The following MAPKAPK5 variants were observed in gnomAD, a reference collection of about 807,000 sequenced individuals.
The protein encoded by MAPKAPK5 is MAP kinase-activated protein kinase 5.
In MAPKAPK5, 30 loss-of-function variants were observed where a neutral mutation model predicts 65.1. The observed-to-expected ratio is 0.46, with a 90% confidence interval of 0.34 to 0.63. MAPKAPK5 has a LOEUF of 0.63. Among genes scored for constraint, MAPKAPK5 ranks in the 20% least tolerant of loss-of-function variants. The probability of loss-of-function intolerance (pLI) is 0.01; values close to 1 mark genes in which losing one functional copy is unlikely to be tolerated. For missense variants in MAPKAPK5, 433 were observed against 581.4 expected (o/e 0.74, Z 2.63); for synonymous variants, 179 against 204.6 (o/e 0.87, Z 1.07).
intron 7 of MAPKAPK5, among the ~76,000 whole-genome samples, chr12:111,878,367 A>G (rs1000847717): frequency 2.0e-5 from 3 of 151,816 alleles, no homozygotes; most frequent in Non-Finnish European, 4.4e-5. Flanking sequence ...TAGCATTTGG[A>G]TGTCCAGTTG....
chr12:111,868,708 CTTTTTT>C lies in MAPKAPK5; in HGVS notation c.285-36_285-31del, dbSNP rs75586211. 151 of 1,282,784 alleles carry C rather than the reference CTTTTTT, an allele frequency of 1.2e-4. 1 individual carries two copies. In the South Asian group the frequency reaches 2.1e-3, roughly 18 times the overall value. 79.5% of individuals were successfully genotyped at this position (1,282,784 alleles called of 1,614,324 possible). ...GTTTCAGGGTTTTTTGTTTCTTTTT[CTTTTTT>C]TTTTTTTTAACTTAACAAAATCAAA... On this transcript the variant is annotated intron_variant, in intron 4 of 13. Transcript: ENST00000550735.
intron 1 of MAPKAPK5, among the ~76,000 whole-genome samples, chr12:111,859,162 A>G (rs1210317309): frequency 6.7e-6 from 1 of 148,216 alleles, no homozygotes; most frequent in Non-Finnish European, 1.5e-5. Context: ...TAGATAATAT[A>G]GCAACTCTGG....
intron 1 of MAPKAPK5, among the ~76,000 whole-genome samples, chr12:111,856,702 C>G (rs1267918314): frequency 6.6e-6 from 1 of 152,156 alleles, no homozygotes. Context: ...CCACTGTGCT[C>G]AGCCTTCTCC....
intron 1 of MAPKAPK5, among the ~76,000 whole-genome samples, chr12:111,848,180 ACCATTATACATTCC>A (rs2068960803): frequency 1.3e-5 from 2 of 152,210 alleles, no homozygotes; most frequent in Admixed American, 1.3e-4. Context: ...AAGTGGTTGT[ACCATTATACATTCC>A]CACTGGCAGT....
At chr12:111,889,060 G>C in intron 12 of MAPKAPK5, 60 bp downstream of exon 12, 1 of 1,532,656 alleles carries the variant, frequency 6.5e-7, no homozygotes, top group Non-Finnish European at 8.8e-7. Flanking sequence ...GTGCAGGGGT[G>C]GGTGGGTGTA....
intron 7 of MAPKAPK5, 165 bp from the exon 8 acceptor site, chr12:111,880,282 G>T (rs1031945018): frequency 1.8e-5 from 11 of 612,078 alleles, no homozygotes; most frequent in Middle Eastern, 3.0e-4. Context: ...ATTACTGGTT[G>T]TAAGAAAAAA....
intron 1 of MAPKAPK5, among the ~76,000 whole-genome samples, chr12:111,849,058 C>G (rs1023341960): frequency 3.3e-5 from 5 of 151,974 alleles, no homozygotes; most frequent in Non-Finnish European, 7.4e-5. Context: ...ACCACCATGC[C>G]CAGCCTAAAA....
At position 111,875,309 on chromosome 12, in the gene MAPKAPK5, G is replaced by A. The variant is rs146081879; in HGVS notation, c.579+4129G>A. On this transcript the variant is annotated intron_variant, in intron 7 of 13. Coordinates refer to ENST00000550735, the MANE Select transcript of MAPKAPK5 (RefSeq NM_003668.4). Reference sequence around the variant, plus strand: ...GAGTGTGAGTTTTGTTGTTGCTATCGTTGTCTTCAGTGCCTCAGTGGCATG... The same window carrying A: ...GAGTGTGAGTTTTGTTGTTGCTATCATTGTCTTCAGTGCCTCAGTGGCATG... 1.8e-4 allele frequency among the ~76,000 whole-genome samples: 27 copies of A among 152,194 alleles called. No individual in the cohort carries two copies. The East Asian group carries it at 5.2e-3, about 29-fold the overall frequency.
At chr12:111,882,937 G>A in intron 8 of MAPKAPK5, 1 of 754,294 alleles carries the variant, frequency 1.3e-6, no homozygotes, top group Non-Finnish European at 1.6e-6. Context: ...TTTTCTGGCT[G>A]GGGCAAAGCA....
chr12:111,901,517 T>G lies in MAPKAPK5; in HGVS notation c.*8456T>G, dbSNP rs1373933918. The G allele has an allele frequency of 7.8e-6, 3 of 383,036 alleles. No individual in the cohort carries two copies. In the East Asian group the frequency reaches 2.4e-4, roughly 30 times the overall value. The allele number at this position is 383,036 out of a possible 1,614,324, so 23.7% of individuals were successfully genotyped here. On this transcript the variant is annotated 3_prime_UTR_variant, in exon 14 of 14. Coordinates refer to ENST00000550735, the MANE Select transcript of MAPKAPK5 (RefSeq NM_003668.4). ...TTATAATATTATTATTAAGTACAAT[T>G]ATTTGATCTGCTTGCTTAAAAAATC...
chr12:111,870,011 A>G (rs1047260413), intron 5 of MAPKAPK5, among the ~76,000 whole-genome samples: 1 of 152,176 alleles, frequency 6.6e-6, no homozygotes. Context: ...TACAGGATTT[A>G]CCCATCAGTT....
At chr12:111,881,403 C>CT (rs61349417) in intron 8 of MAPKAPK5, among the ~76,000 whole-genome samples, 2,083 of 110,672 alleles carry the variant, frequency 0.019, 98 homozygotes, top group African/African-American at 0.063. Context: ...CTGTCTGTTC[C>CT]TTTTTTTTTT....
chr12:111,881,301 T>C (rs1398432327), intron 8 of MAPKAPK5, among the ~76,000 whole-genome samples: 1 of 151,988 alleles, frequency 6.6e-6, no homozygotes, highest in African/African-American at 2.4e-5. Flanking sequence ...CTCAAACTCC[T>C]GACCTCAAGT....
chr12:111,865,223 G>T, intron 1 of MAPKAPK5, 27 bp from the exon 2 acceptor site: 1 of 1,426,446 alleles, frequency 7.0e-7, no homozygotes. Context: ...ATCATTCTCT[G>T]TCCTCTCCCT....
chr12:111,844,112 G>A (rs1227424346), intron 1 of MAPKAPK5, among the ~76,000 whole-genome samples: 1 of 151,990 alleles, frequency 6.6e-6, no homozygotes, highest in African/African-American at 2.4e-5. Context: ...GTGAGCCACC[G>A]TGCCTGGCCC....
intron 4 of MAPKAPK5, 54 bp from the exon 5 acceptor site, chr12:111,868,698 GT>G: frequency 7.4e-7 from 1 of 1,345,824 alleles, no homozygotes; most frequent in Non-Finnish European, 1.0e-6. Context: ...AGGGTTTTTT[GT>G]TTCTTTTTCT....
At position 111,895,653 on chromosome 12, in the gene MAPKAPK5, TC is replaced by T. The variant is rs1189963107; in HGVS notation, c.*2594del. 1.3e-5 allele frequency: 2 copies of T among 150,864 alleles called. No homozygotes were observed. The highest frequency in any genetic ancestry group is 4.9e-5 in the African/African-American group (2 of 40,930). The allele number at this position is 150,864 out of a possible 1,614,324, so 9.3% of individuals were successfully genotyped here. On this transcript the variant is annotated 3_prime_UTR_variant, in exon 14 of 14. Coordinates refer to ENST00000550735, the MANE Select transcript of MAPKAPK5 (RefSeq NM_003668.4). ...TCAAGCGATTCTCGTGCCTCAGACT[TC>T]CAAGTAGCTGGGACTACAGGCACAC... is the stretch of plus-strand genomic sequence containing the variant.
At chr12:111,868,657 C>T (rs546949383) in intron 4 of MAPKAPK5, 96 bp from the exon 5 acceptor site, 7 of 871,002 alleles carry the variant, frequency 8.0e-6, no homozygotes, top group Non-Finnish European at 1.2e-5. Context: ...TTTGTAGATG[C>T]AGTATCTTTA....
intron 12 of MAPKAPK5, chr12:111,889,374 C>T: frequency 4.9e-6 from 1 of 202,270 alleles, no homozygotes; most frequent in Non-Finnish European, 1.0e-5. Context: ...GGCTGTTAAC[C>T]ATTTCCAGAG....
Sources: gnomAD v4.1 joint callset for allele counts (sites outside exome capture counted in the v4.1 genomes callset) on GRCh38, gnomAD v4.1.1 for gene constraint, MANE v1.5 for transcripts, NCBI Gene and HGNC (gene_info 2026-07-23, HGNC 2026-07-21) for gene names.